Variants in WWOX observed in about 807,000 individuals in gnomAD.
The protein encoded by WWOX is WW domain-containing oxidoreductase.
Under a neutral mutation model 46.2 loss-of-function variants are expected in WWOX, and 69 were observed. The ratio of observed to expected loss-of-function variants is 1.49; its 90% CI spans 1.23 to 1.82. The LOEUF (loss-of-function observed/expected upper bound fraction) is 1.82, where lower values mean the gene tolerates loss of function less well. Among genes scored for constraint, WWOX ranks in the 40% most tolerant of loss-of-function variants. WWOX has a pLI of 0.00. For synonymous variants in WWOX, 359 were observed against 202.6 expected (o/e 1.77, Z -6.56); for missense variants, 919 against 542.6 (o/e 1.69, Z -6.89).
At chr16:78,101,320 T>C (rs11864026) in intron 1 of WWOX, among the ~76,000 whole-genome samples, 17,626 of 138,624 alleles carry the variant, frequency 0.13, 1,234 homozygotes, top group East Asian at 0.29. Context: ...GTGCTGGGAT[T>C]ACAGGCGTGA....
chr16:79,127,252 C>G (rs2049778171), intron 8 of WWOX, among the ~76,000 whole-genome samples: 1 of 152,076 alleles, frequency 6.6e-6, no homozygotes, highest in Admixed American at 6.6e-5. Flanking sequence ...CTACCCCTTT[C>G]CTTTAGCACC....
chr16:78,823,679 G>A (rs2051567862), intron 8 of WWOX, among the ~76,000 whole-genome samples: 1 of 152,116 alleles, frequency 6.6e-6, no homozygotes, highest in South Asian at 2.1e-4. Context: ...GCAAATGTGT[G>A]CATTTAAGGC....
At chr16:79,007,985 T>G (rs1336926079) in intron 8 of WWOX, among the ~76,000 whole-genome samples, 2 of 152,208 alleles carry the variant, frequency 1.3e-5, no homozygotes, top group African/African-American at 2.4e-5. Flanking sequence ...AGTATATTTG[T>G]TATCTCATAG....
At chr16:78,113,183 T>G (rs907309687) in intron 3 of WWOX, among the ~76,000 whole-genome samples, 2 of 152,154 alleles carry the variant, frequency 1.3e-5, no homozygotes, top group Non-Finnish European at 2.9e-5. Context: ...AATAAAAATG[T>G]ACATTCCCAG....
chr16:78,656,513 G>C (rs959948406), intron 8 of WWOX, among the ~76,000 whole-genome samples: 3 of 152,180 alleles, frequency 2.0e-5, no homozygotes, highest in African/African-American at 7.2e-5. Context: ...TGCATGGCTG[G>C]AGTAGGAGGC....
At chr16:78,985,032 C>G (rs1019543506) in intron 8 of WWOX, among the ~76,000 whole-genome samples, 1 of 152,118 alleles carries the variant, frequency 6.6e-6, no homozygotes, top group Non-Finnish European at 1.5e-5. Flanking sequence ...GTTGCTGAGT[C>G]CCTTGCCCCC....
chr16:79,007,785 A>G (rs2047219373), intron 8 of WWOX, among the ~76,000 whole-genome samples: 1 of 152,182 alleles, frequency 6.6e-6, no homozygotes, highest in African/African-American at 2.4e-5. Flanking sequence ...AAGCTATTTA[A>G]TATTTATCAT....
intron 8 of WWOX, among the ~76,000 whole-genome samples, chr16:78,518,356 C>T (rs183997124): frequency 2.0e-5 from 3 of 152,132 alleles, no homozygotes; most frequent in Admixed American, 2.0e-4. Context: ...CTCAGCCTCC[C>T]GAGTAGCTGG....
intron 8 of WWOX, among the ~76,000 whole-genome samples, chr16:78,773,628 C>A (rs2050119862): frequency 6.6e-6 from 1 of 152,160 alleles, no homozygotes; most frequent in African/African-American, 2.4e-5. Context: ...AGTGCAGGTG[C>A]CTCTCATTGT....
chr16:78,352,342 G>C (rs939793529), intron 5 of WWOX, among the ~76,000 whole-genome samples: 7 of 152,338 alleles, frequency 4.6e-5, no homozygotes, highest in East Asian at 1.9e-4. Context: ...TTGGAGGTCA[G>C]TGGTCCAAAA....
At chr16:78,369,327 G>A (rs1400044305) in intron 5 of WWOX, among the ~76,000 whole-genome samples, 1 of 151,846 alleles carries the variant, frequency 6.6e-6, no homozygotes, top group Non-Finnish European at 1.5e-5. Flanking sequence ...TCTTTTAAGT[G>A]TGAAGCAAGA....
chr16:78,980,411 C>G (rs1332238022), intron 8 of WWOX, among the ~76,000 whole-genome samples: 3 of 152,200 alleles, frequency 2.0e-5, no homozygotes, highest in African/African-American at 4.8e-5. Flanking sequence ...TTGGCTGTAA[C>G]CAAGTCTACA....
chr16:78,768,157 C>G (rs942240742), intron 8 of WWOX, among the ~76,000 whole-genome samples: 2 of 148,452 alleles, frequency 1.3e-5, no homozygotes, highest in African/African-American at 2.5e-5. Context: ...GGCTGCGGGG[C>G]GGGGGGGTCG....
chr16:79,081,604 TTCGCTTCC>T (rs1473602942), intron 8 of WWOX, among the ~76,000 whole-genome samples: 2 of 152,226 alleles, frequency 1.3e-5, no homozygotes, highest in Non-Finnish European at 2.9e-5. Context: ...TCTTTGAGCC[TTCGCTTCC>T]TCATTGGTCA....
intron 8 of WWOX, among the ~76,000 whole-genome samples, chr16:78,995,822 A>C (rs2046978195): frequency 6.6e-6 from 1 of 152,086 alleles, no homozygotes. Flanking sequence ...TGTAAAGGAG[A>C]CCCGAGGTGG....
chr16:78,482,666 G>A (rs530513817), intron 8 of WWOX, among the ~76,000 whole-genome samples: 4 of 152,284 alleles, frequency 2.6e-5, no homozygotes, highest in African/African-American at 2.4e-5. Context: ...CCCAGGCAGA[G>A]AAACTGAGGC....
chr16:78,346,016 G>C (rs2081088658), intron 5 of WWOX, among the ~76,000 whole-genome samples: 1 of 121,300 alleles, frequency 8.2e-6, no homozygotes, highest in African/African-American at 2.8e-5. Flanking sequence ...CCACTTCTGT[G>C]GTGTATGACT....
intron 8 of WWOX, among the ~76,000 whole-genome samples, chr16:78,654,796 G>A (rs2047044558): frequency 1.3e-5 from 2 of 151,312 alleles, no homozygotes; most frequent in South Asian, 4.2e-4. Context: ...GAAACATACT[G>A]TTGTTTTGAA....
chr16:78,783,716 G>A (rs758191235), intron 8 of WWOX, among the ~76,000 whole-genome samples: 4 of 82,816 alleles, frequency 4.8e-5, no homozygotes, highest in African/African-American at 1.6e-4. Flanking sequence ...TGAAGATGAG[G>A]GTGATGATGT....
Sources: gnomAD v4.1 joint callset for allele counts (sites outside exome capture counted in the v4.1 genomes callset) on GRCh38, gnomAD v4.1.1 for gene constraint, MANE v1.5 for transcripts, NCBI Gene and HGNC (gene_info 2026-07-23, HGNC 2026-07-21) for gene names.